Variants in ARHGEF37 observed in about 807,000 individuals in gnomAD.
ARHGEF37 encodes Rho guanine nucleotide exchange factor (GEF) 37.
A neutral mutation model predicts 71.1 loss-of-function variants in ARHGEF37; 55 were observed. That is an observed-to-expected ratio of 0.77 (90% CI 0.62 to 0.97). ARHGEF37 has a LOEUF of 0.97. ARHGEF37 is among the 50% of genes least tolerant of loss of function. The pLI is 0.00. For synonymous variants in ARHGEF37, 327 were observed against 350.6 expected (o/e 0.93, Z 0.75); for missense variants, 765 against 836.8 (o/e 0.91, Z 1.06).
chr5:149,594,605 T>C (rs1763494994), intron 1 of ARHGEF37, among the ~76,000 whole-genome samples: 1 of 152,198 alleles, frequency 6.6e-6, no homozygotes, highest in Admixed American at 6.5e-5. Context: ...ATAGTATTAA[T>C]CATGGGCATG....
intron 3 of ARHGEF37, 107 bp from the exon 4 acceptor site, chr5:149,609,441 G>A (rs539021794): frequency 3.1e-6 from 4 of 1,275,792 alleles, no homozygotes; most frequent in South Asian, 1.3e-5. Context: ...GGTAAACCCA[G>A]CAATCTCACT....
At chr5:149,582,201 G>A (rs1356898689) in intron 1 of ARHGEF37, among the ~76,000 whole-genome samples, 2 of 152,222 alleles carry the variant, frequency 1.3e-5, no homozygotes, top group Non-Finnish European at 2.9e-5. Flanking sequence ...CCAGGCACTG[G>A]TTCTTAACCT....
chr5:149,559,687 T>G (rs1394075565), intron 1 of ARHGEF37, among the ~76,000 whole-genome samples: 1 of 152,246 alleles, frequency 6.6e-6, no homozygotes, highest in Non-Finnish European at 1.5e-5. Context: ...TTGATATAGT[T>G]TGTGGTGATT....
At chr5:149,602,106 G>C (rs1702900901) in intron 3 of ARHGEF37, among the ~76,000 whole-genome samples, 2 of 150,650 alleles carry the variant, frequency 1.3e-5, no homozygotes, top group South Asian at 4.2e-4. Flanking sequence ...GCCCAGGCTC[G>C]AGTGCAGCGG....
chr5:149,631,944 A>G (rs1561813930), intron 12 of ARHGEF37, 38 bp from the exon 13 acceptor site: 1 of 1,604,936 alleles, frequency 6.2e-7, no homozygotes, highest in East Asian at 2.2e-5. Context: ...CTACCTTCTC[A>G]CCCTGACCAT....
intron 11 of ARHGEF37, among the ~76,000 whole-genome samples, chr5:149,627,867 A>G (rs145813180): frequency 6.6e-5 from 10 of 152,278 alleles, no homozygotes; most frequent in Admixed American, 5.9e-4. Context: ...GGTGCCTGAG[A>G]TTATTGTCAG....
intron 3 of ARHGEF37, among the ~76,000 whole-genome samples, chr5:149,607,497 C>A (rs1763945632): frequency 6.6e-6 from 1 of 152,202 alleles, no homozygotes; most frequent in Admixed American, 6.6e-5. Context: ...TAATTCATGG[C>A]ACTTATCATA....
At chr5:149,600,512 C>G (rs188818022) in intron 2 of ARHGEF37, among the ~76,000 whole-genome samples, 2 of 152,306 alleles carry the variant, frequency 1.3e-5, no homozygotes, top group Admixed American at 1.3e-4. Context: ...ACTTCTCACC[C>G]TTCAATGACA....
At chr5:149,584,612 CT>C (rs971783100) in intron 1 of ARHGEF37, among the ~76,000 whole-genome samples, 14 of 148,654 alleles carry the variant, frequency 9.4e-5, no homozygotes, top group Non-Finnish European at 1.6e-4. Flanking sequence ...TTTTCTTTTT[CT>C]TTTTTTTTTC....
In ARHGEF37 at chr5:149,628,828, G is replaced by A. The variant is rs537575286; in HGVS notation, c.1680G>A (p.Pro560=). ...CCCTAGGACATCGTGGGTATGTGCCGGCTGGGAAACTACAGCTGTACCATG... is the reference window on the plus strand; with the variant it reads ...CCCTAGGACATCGTGGGTATGTGCCAGCTGGGAAACTACAGCTGTACCATG... ...VDTGGHRGYV[P]AGKLQLYHVV... is the part of the protein sequence containing the mutation. The change falls in exon 12 of 13, where the codon CCG becomes CCA. Residue 560 remains proline, a synonymous_variant. Coordinates refer to ENST00000333677, the MANE Select transcript of ARHGEF37 (RefSeq NM_001001669.3). 68 of 1,613,312 alleles carry A rather than the reference G, an allele frequency of 4.2e-5. No individual in the cohort carries two copies. In the East Asian group the frequency reaches 1.2e-3, roughly 27 times the overall value.
At chr5:149,626,266 ACACACACACACACACACACACG>A (rs1257586514) in intron 10 of ARHGEF37, among the ~76,000 whole-genome samples, 1 of 149,882 alleles carries the variant, frequency 6.7e-6, no homozygotes, top group Non-Finnish European at 1.5e-5. Context: ...ACACACACAC[ACACACACACACACACACACACG>A]CCTCTCTCAA....
At chr5:149,574,301 T>C (rs1385811883) in intron 1 of ARHGEF37, among the ~76,000 whole-genome samples, 1 of 152,178 alleles carries the variant, frequency 6.6e-6, no homozygotes, top group East Asian at 1.9e-4. Flanking sequence ...AATATTACAA[T>C]CATTCAGACA....
chr5:149,605,433 G>A (rs936070556), intron 3 of ARHGEF37, among the ~76,000 whole-genome samples: 1 of 152,048 alleles, frequency 6.6e-6, no homozygotes. Flanking sequence ...TTTGTATGAA[G>A]TCTTTGAAAT....
intron 10 of ARHGEF37, 181 bp from the exon 11 acceptor site, chr5:149,626,895 G>A: frequency 2.1e-6 from 1 of 476,240 alleles, no homozygotes. Context: ...AACGCCGTAG[G>A]CTGCTAAGAG....
intron 1 of ARHGEF37, among the ~76,000 whole-genome samples, chr5:149,558,059 A>G (rs991187967): frequency 6.6e-6 from 1 of 152,180 alleles, no homozygotes; most frequent in Middle Eastern, 3.4e-3. Flanking sequence ...AGAGATGGGC[A>G]GAGACGGGGT....
chr5:149,554,128 A>C (rs150525669), intron 1 of ARHGEF37, among the ~76,000 whole-genome samples: 160 of 152,260 alleles, frequency 1.1e-3, no homozygotes, highest in African/African-American at 3.8e-3. Flanking sequence ...AGATTGTGCC[A>C]CTGCACTCCG....
intron 1 of ARHGEF37, among the ~76,000 whole-genome samples, chr5:149,571,687 G>A (rs903939854): frequency 3.3e-5 from 5 of 152,184 alleles, no homozygotes; most frequent in African/African-American, 7.2e-5. Context: ...CTGGGAGACC[G>A]AAGCAGGAGC....
In ARHGEF37 at chr5:149,624,077, G is replaced by A. The variant is rs1055194861; in HGVS notation, c.1401G>A (p.Thr467=). Residue 467 remains threonine (T), a synonymous_variant, in exon 10 of 13, where the codon ACG becomes ACA. Transcript: ENST00000333677. Reference sequence around the variant, plus strand: ...TGGTGGAGGACGCACTGGGCCGGACGAGTAACCAGCTTCGCTCCTTTCAAG... The same window carrying A: ...TGGTGGAGGACGCACTGGGCCGGACAAGTAACCAGCTTCGCTCCTTTCAAG... The part of the protein sequence containing the change: ...RKLVEDALGR[T]SNQLRSFQET... 3 of 1,611,968 alleles carry A rather than the reference G, an allele frequency of 1.9e-6. No individual in the cohort carries two copies. The highest frequency in any genetic ancestry group is 2.2e-5 in the East Asian group (1 of 44,818).
chr5:149,628,898 A>G lies in ARHGEF37; in HGVS notation c.1750A>G (p.Lys584Glu), dbSNP rs1477485026. ...EELRRQAGLN[K>E]DPRCLTPEPS... ...GCTCAGAAGGCAGGCGGGGCTGAAC[A>G]AAGACCCCCGATGTCTAACACCGGA... Residue 584 changes from lysine (K) to glutamate (E), a missense_variant, in exon 12 of 13, where the codon AAA (lysine) becomes GAA (glutamate). This residue lies in a region of ARHGEF37 where 390 missense variants were observed against 407.4 expected (regional missense o/e 0.96). Transcript: ENST00000333677. The G allele has an allele frequency of 6.2e-7, 1 of 1,613,514 alleles. No homozygotes were observed. Among genetic ancestry groups the G allele is most frequent in the African/African-American group, 1.3e-5 (1 of 74,926 alleles).
Sources: gnomAD v4.1 joint callset for allele counts (sites outside exome capture counted in the v4.1 genomes callset) on GRCh38, gnomAD v4.1.1 for gene constraint, gnomAD v4.1.1 regional missense constraint, MANE v1.5 for transcripts, NCBI Gene and HGNC (gene_info 2026-07-23, HGNC 2026-07-21) for gene names.